The following GPHN variants were observed in gnomAD, a reference collection of about 807,000 sequenced individuals.
GPHN encodes gephyrin.
Under a neutral mutation model 95.5 loss-of-function variants are expected in GPHN, and 17 were observed. The observed-to-expected ratio is 0.18, with a 90% CI of 0.12 to 0.27. The LOEUF (loss-of-function observed/expected upper bound fraction) is 0.27, where lower values mean the gene tolerates loss of function less well. Among genes scored for constraint, GPHN ranks in the 10% least tolerant of loss-of-function variants. GPHN has a pLI of 1.00. For missense variants in GPHN, 660 were observed against 978.1 expected (o/e 0.67, Z 4.34); for synonymous variants, 320 against 322.5 (o/e 0.99, Z 0.08).
At chr14:67,578,727 C>G in the GPHN span, 1 of 815,646 alleles carries the variant, frequency 1.2e-6, no homozygotes. The surrounding 1 kb of genome is among the most constrained non-coding windows in gnomAD (Gnocchi z 5.0). Context: ...CCAGATCACT[C>G]CTGTCCTCTG....
intron 1 of GPHN, among the ~76,000 whole-genome samples, chr14:66,676,473 T>C (rs2066592794): frequency 1.3e-5 from 2 of 152,084 alleles, no homozygotes; most frequent in African/African-American, 2.4e-5. Context: ...TGTTTAGGTA[T>C]AATCTTTCTA....
chr14:67,553,801 T>C, the GPHN span, among the ~76,000 whole-genome samples: 75 of 152,366 alleles, frequency 4.9e-4, 2 homozygotes, highest in South Asian at 0.015. Flanking sequence ...GCCTGAGGAC[T>C]GTTTGACTTA....
chr14:66,586,455 G>A lies in GPHN; in HGVS notation c.64+77864G>A, dbSNP rs112167571. ...ATGATGTTAGCTGGTTATTTTGCTCGTTAGTTGATGCAGTTTCTTCCTAGC... is the reference window on the plus strand; with the variant it reads ...ATGATGTTAGCTGGTTATTTTGCTCATTAGTTGATGCAGTTTCTTCCTAGC... On this transcript the variant is annotated intron_variant, in intron 1 of 22. Transcript: ENST00000478722. Among the ~76,000 whole-genome samples the A allele has an allele frequency of 3.8e-3, 571 of 152,210 alleles. 12 individuals carry two copies. Among genetic ancestry groups the A allele is most frequent in the African/African-American group, 0.013 (534 of 41,526 alleles).
Position 67,167,532 on chromosome 14 carries a change from TC to T in GPHN, c.1976-1400del, listed in dbSNP as rs1316596604. ...TTGTCACTTTTTGCACCTTAAAAAATCTATTCTTAAGCACTTTTGCAGGTAG... is the reference window on the plus strand; with the variant it reads ...TTGTCACTTTTTGCACCTTAAAAAATTATTCTTAAGCACTTTTGCAGGTAG... On this transcript the variant is annotated intron_variant, in intron 20 of 22. Coordinates refer to ENST00000478722, the MANE Select transcript of GPHN (RefSeq NM_020806.5). Among the ~76,000 whole-genome samples, 4 of 152,214 alleles carry T rather than the reference TC, an allele frequency of 2.6e-5. No individual in the cohort carries two copies. In the East Asian group the frequency reaches 7.7e-4, roughly 29 times the overall value.
chr14:67,627,256 G>GATATATAT, the GPHN span, among the ~76,000 whole-genome samples: 2,417 of 133,660 alleles, frequency 0.018, 57 homozygotes, highest in African/African-American at 0.038. Flanking sequence ...TCAGTAAGGA[G>GATATATAT]ATATATATAT....
the GPHN span, among the ~76,000 whole-genome samples, chr14:67,688,849 A>C: frequency 6.6e-6 from 1 of 152,302 alleles, no homozygotes; most frequent in African/African-American, 2.4e-5. Context: ...ATGTAAACCA[A>C]ACCAAAGAAG....
the GPHN span, among the ~76,000 whole-genome samples, chr14:67,461,004 G>T: frequency 6.6e-6 from 1 of 152,188 alleles, no homozygotes; most frequent in Non-Finnish European, 1.5e-5. Context: ...CTTGTGTGTA[G>T]AGAGGTTAAG....
chr14:67,352,787 C>A, the GPHN span: 1 of 620,800 alleles, frequency 1.6e-6, no homozygotes. Context: ...ATATTTGACA[C>A]TTGTTAAACT....
At chr14:66,790,224 T>A (rs1171215269) in intron 3 of GPHN, among the ~76,000 whole-genome samples, 1 of 152,226 alleles carries the variant, frequency 6.6e-6, no homozygotes, top group East Asian at 1.9e-4. Flanking sequence ...TTTTGAACTT[T>A]ACTAAATGTA....
the GPHN span, among the ~76,000 whole-genome samples, chr14:67,303,226 A>G: frequency 6.6e-6 from 1 of 152,178 alleles, no homozygotes; most frequent in African/African-American, 2.4e-5. Context: ...TTTGAGTGCA[A>G]TTTATGATCA....
At chr14:67,325,974 C>CTTTT in the GPHN span, among the ~76,000 whole-genome samples, 1 of 115,710 alleles carries the variant, frequency 8.6e-6, no homozygotes, top group African/African-American at 4.6e-5. Flanking sequence ...ACACCCGGCT[C>CTTTT]TTTTCTTTTT....
At chr14:67,597,840 T>C in the GPHN span, among the ~76,000 whole-genome samples, 5 of 151,288 alleles carry the variant, frequency 3.3e-5, no homozygotes, top group South Asian at 6.3e-4. Context: ...GTAGGGGAAG[T>C]GGTGGTTAGT....
At chr14:66,746,810 G>C (rs1018643478) in intron 2 of GPHN, among the ~76,000 whole-genome samples, 1 of 152,130 alleles carries the variant, frequency 6.6e-6, no homozygotes, top group Non-Finnish European at 1.5e-5. Flanking sequence ...AATTCTACAG[G>C]GTTTGGTGCT....
At chr14:66,784,098 A>G (rs1050908473) in intron 3 of GPHN, among the ~76,000 whole-genome samples, 5 of 152,192 alleles carry the variant, frequency 3.3e-5, no homozygotes, top group African/African-American at 1.2e-4. Context: ...TAAAGCACCT[A>G]TTATAAAAGT....
chr14:67,515,423 C>A, the GPHN span: 1 of 184,506 alleles, frequency 5.4e-6, no homozygotes, highest in Non-Finnish European at 1.1e-5. Flanking sequence ...GCGGCGGCGG[C>A]GGCGGCGGCG....
the GPHN span, among the ~76,000 whole-genome samples, chr14:67,705,678 A>G: frequency 2.6e-5 from 4 of 152,206 alleles, no homozygotes; most frequent in African/African-American, 9.6e-5. Context: ...TTCTAAGGTT[A>G]TTTAAAATGT....
chr14:67,125,098 T>C (rs1404510404), intron 17 of GPHN, among the ~76,000 whole-genome samples: 1 of 152,080 alleles, frequency 6.6e-6, no homozygotes, highest in Admixed American at 6.5e-5. Context: ...TGAATAGTAA[T>C]ACCTTATATC....
chr14:67,258,412 T>C, the GPHN span, among the ~76,000 whole-genome samples: 2 of 152,150 alleles, frequency 1.3e-5, no homozygotes, highest in South Asian at 2.1e-4. Context: ...GGTGGGTGCC[T>C]GTAGTCCCAG....
chr14:67,347,912 CCTT>C, the GPHN span, among the ~76,000 whole-genome samples: 1 of 117,230 alleles, frequency 8.5e-6, no homozygotes, highest in Non-Finnish European at 1.6e-5. Context: ...TAGGAACTTG[CCTT>C]CTTTTTTTTT....
Sources: gnomAD v4.1 joint callset for allele counts (sites outside exome capture counted in the v4.1 genomes callset) on GRCh38, gnomAD v4.1.1 for gene constraint, Gnocchi (gnomAD v3.1) non-coding constraint, MANE v1.5 for transcripts, NCBI Gene and HGNC (gene_info 2026-07-23, HGNC 2026-07-21) for gene names.